SNX29: variants seen among roughly 807,000 people sequenced by gnomAD.
SNX29 encodes sorting nexin 29, also known as sorting nexin-29.
In SNX29, 78 loss-of-function variants were observed where a neutral mutation model predicts 102.1. The observed-to-expected ratio is 0.76, with a 90% CI of 0.64 to 0.92. The LOEUF is 0.92. SNX29 is among the 40% of genes least tolerant of loss of function. The pLI is 0.00. For missense variants in SNX29, 1,280 were observed against 1,061.7 expected, an observed-to-expected ratio of 1.21 and a Z score of -2.86; for synonymous variants, 580 against 414.5, an observed-to-expected ratio of 1.40 and a Z score of -4.85.
chr16:12,094,070 G>C (rs1259180973), intron 11 of SNX29, among the ~76,000 whole-genome samples: 6 of 152,110 alleles, frequency 3.9e-5, no homozygotes, highest in Admixed American at 2.0e-4. Flanking sequence ...ACATGTATTA[G>C]CAGTGGGAAC....
chr16:12,062,595 C>T (rs1412379325), intron 9 of SNX29, among the ~76,000 whole-genome samples: 1 of 151,686 alleles, frequency 6.6e-6, no homozygotes, highest in Non-Finnish European at 1.5e-5. Context: ...AGAGAAGTGC[C>T]CAGTTGCTGT....
chr16:12,416,187 C>T (rs182676508), intron 18 of SNX29, among the ~76,000 whole-genome samples: 1 of 152,088 alleles, frequency 6.6e-6, no homozygotes, highest in Non-Finnish European at 1.5e-5. Context: ...GCTCATGGGC[C>T]CTCCTCCTTA....
chr16:12,402,907 T>C (rs1465770101), intron 17 of SNX29, among the ~76,000 whole-genome samples: 1 of 152,174 alleles, frequency 6.6e-6, no homozygotes, highest in Non-Finnish European at 1.5e-5. Context: ...TAAACAGCTG[T>C]CACCCTTGTT....
At chr16:12,462,752 G>C (rs923005807) in intron 18 of SNX29, among the ~76,000 whole-genome samples, 9 of 152,234 alleles carry the variant, frequency 5.9e-5, no homozygotes, top group Admixed American at 3.9e-4. Context: ...TCTATGAAGA[G>C]AGAAGCAGAA....
chr16:12,569,004 A>G lies in SNX29; in HGVS notation c.*375A>G. The G allele has an allele frequency of 3.7e-6, 1 of 271,446 alleles. No individual in the cohort carries two copies. 16.8% of individuals were successfully genotyped at this position (271,446 alleles called of 1,614,324 possible). On this transcript the variant is annotated 3_prime_UTR_variant, in exon 21 of 21. Coordinates refer to ENST00000566228, the MANE Select transcript of SNX29 (RefSeq NM_032167.5). Reference sequence around the variant, plus strand: ...GGCAAAGGTGATCCCCTATATAGGAAGGTTCATGCAGAGCCAGCCTCTCCA... The same window carrying G: ...GGCAAAGGTGATCCCCTATATAGGAGGGTTCATGCAGAGCCAGCCTCTCCA...
At chr16:12,337,096 CTT>C (rs2081474627) in intron 15 of SNX29, among the ~76,000 whole-genome samples, 1 of 152,142 alleles carries the variant, frequency 6.6e-6, no homozygotes, top group Non-Finnish European at 1.5e-5. Context: ...GTGCTAAACT[CTT>C]TTACAGACAA....
At chr16:12,178,802 TG>T (rs1404847601) in intron 13 of SNX29, among the ~76,000 whole-genome samples, 2 of 152,228 alleles carry the variant, frequency 1.3e-5, no homozygotes, top group African/African-American at 4.8e-5. Flanking sequence ...ATGTGTGACT[TG>T]GAAGGAGCAT....
chr16:12,013,976 T>G (rs1005576561), intron 3 of SNX29, among the ~76,000 whole-genome samples: 1 of 151,904 alleles, frequency 6.6e-6, no homozygotes, highest in Non-Finnish European at 1.5e-5. Context: ...TAAGAAAATG[T>G]TTTTAAAGAC....
At position 12,539,953 on chromosome 16, in the gene SNX29, G is replaced by T. The variant is rs80314392; in HGVS notation, c.2318+15112G>T. Reference sequence around the variant, plus strand: ...ATATGTTAGATGCAAGACCTTTGTCGAACATGTGAGTTGCACATATTTTCT... The same window carrying T: ...ATATGTTAGATGCAAGACCTTTGTCTAACATGTGAGTTGCACATATTTTCT... On this transcript the variant is annotated intron_variant, in intron 20 of 20. Transcript: ENST00000566228. Among the ~76,000 whole-genome samples, 7 of 152,300 alleles carry T rather than the reference G, an allele frequency of 4.6e-5. No homozygotes were observed. The South Asian group carries it at 1.0e-3, about 23-fold the overall frequency.
chr16:12,483,532 G>A (rs1256799703), intron 19 of SNX29, among the ~76,000 whole-genome samples: 1 of 151,682 alleles, frequency 6.6e-6, no homozygotes. Context: ...GGTCAGGCTG[G>A]TCTCGAACTC....
At chr16:12,316,116 G>A (rs1362384155) in intron 15 of SNX29, among the ~76,000 whole-genome samples, 1 of 152,190 alleles carries the variant, frequency 6.6e-6, no homozygotes, top group Non-Finnish European at 1.5e-5. Flanking sequence ...TCTAGGAGGG[G>A]AGCATCCCAG....
intron 16 of SNX29, among the ~76,000 whole-genome samples, chr16:12,362,562 A>ACCCCCCC: frequency 5.0e-5 from 1 of 19,992 alleles, no homozygotes; most frequent in African/African-American, 1.9e-4. Context: ...CTCCCCCCCC[A>ACCCCCCC]CCCCCCCCCC....
chr16:12,387,197 G>T (rs912653282), intron 16 of SNX29, among the ~76,000 whole-genome samples: 6 of 152,066 alleles, frequency 3.9e-5, no homozygotes, highest in Admixed American at 1.3e-4. Flanking sequence ...CCAAGTTAGC[G>T]GTTCCATTCC....
intron 3 of SNX29, among the ~76,000 whole-genome samples, chr16:12,009,646 G>C (rs1212319523): frequency 6.6e-6 from 1 of 152,122 alleles, no homozygotes; most frequent in African/African-American, 2.4e-5. Flanking sequence ...AGTGGTGGCA[G>C]CCGCTGGGCT....
At chr16:12,187,095 G>T (rs111419313) in intron 13 of SNX29, among the ~76,000 whole-genome samples, 10,206 of 152,252 alleles carry the variant, frequency 0.067, 818 homozygotes, top group African/African-American at 0.19. Flanking sequence ...GGAAGATCTG[G>T]CCACACAGGG....
intron 15 of SNX29, among the ~76,000 whole-genome samples, chr16:12,333,869 C>A (rs573915237): frequency 6.6e-6 from 1 of 152,104 alleles, no homozygotes; most frequent in Admixed American, 6.6e-5. Context: ...CTCAGAGACC[C>A]GAATGGAGAA....
intron 16 of SNX29, chr16:12,372,797 G>A (rs941263693): frequency 2.6e-5 from 4 of 152,176 alleles, no homozygotes; most frequent in Non-Finnish European, 5.9e-5. Context: ...AATCGACATG[G>A]TTTGCTCACA....
chr16:12,492,746 T>A (rs2088615990), intron 19 of SNX29, among the ~76,000 whole-genome samples: 1 of 152,222 alleles, frequency 6.6e-6, no homozygotes, highest in South Asian at 2.1e-4. Flanking sequence ...GCTTTCTACA[T>A]ATGGCTAGCC....
At chr16:12,053,249 A>C (rs546407586) in intron 8 of SNX29, 2 of 146,412 alleles carry the variant, frequency 1.4e-5, no homozygotes, top group East Asian at 2.0e-4. Context: ...ATGCCATTGC[A>C]CTCCAGCCTG....
Sources: allele counts gnomAD v4.1 joint callset (sites outside exome capture counted in the v4.1 genomes callset), GRCh38; gene constraint gnomAD v4.1.1; transcripts MANE v1.5; gene names NCBI Gene and HGNC (gene_info 2026-07-23, HGNC 2026-07-21).